WDFY4: variants seen among roughly 807,000 people sequenced by gnomAD.
The protein encoded by WDFY4 is WD repeat- and FYVE domain-containing protein 4.
Under a neutral mutation model 351.9 loss-of-function variants are expected in WDFY4, and 169 were observed. The observed-to-expected ratio is 0.48, with a 90% confidence interval of 0.42 to 0.55. The LOEUF (loss-of-function observed/expected upper bound fraction) is 0.55, where lower values mean the gene tolerates loss of function less well. Ranked by LOEUF, WDFY4 falls within the 20% of genes least tolerant of loss-of-function variation. The probability of loss-of-function intolerance (pLI) is 0.00; values close to 1 mark genes in which losing one functional copy is unlikely to be tolerated. For synonymous variants in WDFY4, 1,622 were observed against 1,574.6 expected (o/e 1.03, Z -0.71); for missense variants, 3,803 against 3,935.6 (o/e 0.97, Z 0.90).
chr10:48,727,705 C>G (rs770961914), intron 7 of WDFY4, 46 bp downstream of exon 7: 12 of 1,540,598 alleles, frequency 7.8e-6, no homozygotes, highest in Admixed American at 2.0e-5. Flanking sequence ...ACCACCAAAG[C>G]CTTAGTCCTC....
chr10:48,691,826 T>C (rs2063204027), intron 1 of WDFY4, among the ~76,000 whole-genome samples: 1 of 152,068 alleles, frequency 6.6e-6, no homozygotes, highest in African/African-American at 2.4e-5. Flanking sequence ...ATGTGAGCAA[T>C]TAGTAACGTT....
intron 39 of WDFY4, among the ~76,000 whole-genome samples, chr10:48,857,273 G>A (rs1486065943): frequency 4.6e-5 from 7 of 151,766 alleles, no homozygotes; most frequent in Admixed American, 4.6e-4. Flanking sequence ...AGTGTATTCA[G>A]GGTTGAGATT....
chr10:48,928,353 C>CATGTGTGT (rs768718529), intron 47 of WDFY4, among the ~76,000 whole-genome samples: 1 of 124,962 alleles, frequency 8.0e-6, no homozygotes. Flanking sequence ...TTGGTTTTGA[C>CATGTGTGT]GTGTGTGTGT....
chr10:48,837,882 G>A (rs151079317), intron 39 of WDFY4, among the ~76,000 whole-genome samples: 1,722 of 152,310 alleles, frequency 0.011, 17 homozygotes, highest in Non-Finnish European at 0.017. Context: ...AGTGGGCCAG[G>A]CAGGCCCCAT....
intron 22 of WDFY4, among the ~76,000 whole-genome samples, 194 bp from the exon 23 acceptor site, chr10:48,790,533 A>T (rs2066642571): frequency 6.6e-6 from 1 of 152,180 alleles, no homozygotes. Flanking sequence ...ATGACTTAGC[A>T]CAGTATCTCC....
intron 57 of WDFY4, among the ~76,000 whole-genome samples, chr10:48,971,401 C>T (rs955542363): frequency 2.6e-5 from 4 of 151,720 alleles, no homozygotes; most frequent in African/African-American, 9.7e-5. Context: ...GAGACTGAGG[C>T]AGGAGAATGG....
rs563246703 is a variant in WDFY4, at chr10:48,715,068, A to G, written c.235-4943A>G. 1.2e-4 allele frequency among the ~76,000 whole-genome samples: 19 copies of G among 152,400 alleles called. No individual in the cohort carries two copies. The East Asian group carries it at 2.3e-3, about 19-fold the overall frequency. On this transcript the variant is annotated intron_variant, in intron 2 of 61. Coordinates refer to ENST00000325239, the MANE Select transcript of WDFY4 (RefSeq NM_001394531.1). ...AGCTGCCATGTTGTAAGGAAGCCCA[A>G]GTAGTTCTGAGTGAACACCTGTGTG...
chr10:48,973,984 C>G (rs1285129800), intron 57 of WDFY4, among the ~76,000 whole-genome samples: 1 of 152,176 alleles, frequency 6.6e-6, no homozygotes, highest in African/African-American at 2.4e-5. Flanking sequence ...CAAGAGTGCA[C>G]GTGCCTCTGA....
At chr10:48,712,602 T>G (rs1465470190) in intron 2 of WDFY4, among the ~76,000 whole-genome samples, 1 of 152,228 alleles carries the variant, frequency 6.6e-6, no homozygotes. Context: ...TGCTCAGCCT[T>G]CTTAATTAAT....
chr10:48,688,584 GA>G (rs1416895268), intron 1 of WDFY4, among the ~76,000 whole-genome samples: 1 of 151,948 alleles, frequency 6.6e-6, no homozygotes, highest in Non-Finnish European at 1.5e-5. Context: ...TACATTTTTG[GA>G]CTGTTGCTAT....
chr10:48,706,037 C>A (rs1302095753), intron 1 of WDFY4, among the ~76,000 whole-genome samples: 2 of 152,128 alleles, frequency 1.3e-5, no homozygotes, highest in Non-Finnish European at 2.9e-5. Context: ...CTAGGGATGG[C>A]AGTTTGGTTG....
At chr10:48,769,760 G>T (rs1273226383) in intron 13 of WDFY4, among the ~76,000 whole-genome samples, 1 of 152,252 alleles carries the variant, frequency 6.6e-6, no homozygotes, top group Admixed American at 6.5e-5. Flanking sequence ...TGGACCAAGA[G>T]AGAAAGTGGG....
At chr10:48,735,368 T>C (rs1266615744) in intron 10 of WDFY4, among the ~76,000 whole-genome samples, 1 of 152,228 alleles carries the variant, frequency 6.6e-6, no homozygotes, top group Non-Finnish European at 1.5e-5. Context: ...TAAATTGTGG[T>C]TTGCTTTCTA....
intron 47 of WDFY4, among the ~76,000 whole-genome samples, chr10:48,926,135 C>T (rs10735227): frequency 0.52 from 78,470 of 152,022 alleles, 23,593 homozygotes; most frequent in East Asian, 1. Context: ...CCTGGGGATA[C>T]ATTGCTGGCC....
chr10:48,895,882 C>T (rs543650232), intron 44 of WDFY4, among the ~76,000 whole-genome samples: 87 of 152,244 alleles, frequency 5.7e-4, no homozygotes, highest in Middle Eastern at 3.4e-3. Flanking sequence ...GGAGGCATGC[C>T]TCTGTTCCTC....
intron 55 of WDFY4, chr10:48,967,776 A>C (rs11101573): frequency 0.38 from 57,623 of 152,220 alleles, 13,046 homozygotes; most frequent in Non-Finnish European, 0.52. Context: ...GCCTTGGGGA[A>C]ATCCCACTAC....
intron 51 of WDFY4, among the ~76,000 whole-genome samples, chr10:48,949,793 T>C (rs927162129): frequency 2.0e-4 from 31 of 152,136 alleles, no homozygotes; most frequent in African/African-American, 7.0e-4. Context: ...GAGACATACG[T>C]GGTGAGCCTG....
intron 28 of WDFY4, among the ~76,000 whole-genome samples, chr10:48,808,430 A>G (rs2067329486): frequency 6.6e-6 from 1 of 152,210 alleles, no homozygotes; most frequent in Non-Finnish European, 1.5e-5. Flanking sequence ...AACTTCTAAA[A>G]TCAAGTGTAA....
chr10:48,793,834 C>T (rs1395810768), intron 23 of WDFY4, among the ~76,000 whole-genome samples: 1 of 152,224 alleles, frequency 6.6e-6, no homozygotes, highest in African/African-American at 2.4e-5. Context: ...ACTCTAGGCT[C>T]ATCTGCTGGT....
Sources: allele counts gnomAD v4.1 joint callset (sites outside exome capture counted in the v4.1 genomes callset), GRCh38; gene constraint gnomAD v4.1.1; transcripts MANE v1.5; gene names NCBI Gene and HGNC (gene_info 2026-07-23, HGNC 2026-07-21).